The following SLC12A9 variants were observed in gnomAD, a reference collection of about 807,000 sequenced individuals.
The protein encoded by SLC12A9 is CCC-interacting protein 1.
In SLC12A9, 55 loss-of-function variants were observed where a neutral mutation model predicts 66.0. The observed-to-expected ratio is 0.83, with a 90% CI of 0.67 to 1.04. The LOEUF is 1.04. Ranked by LOEUF, SLC12A9 falls within the 50% of genes least tolerant of loss-of-function variation. The pLI is 0.00. For synonymous variants in SLC12A9, 577 were observed against 569.0 expected (o/e 1.01, Z -0.20); for missense variants, 1,061 against 1,241.9 (o/e 0.85, Z 2.19).
Position 100,866,477 on chromosome 7 carries a change from T to C in SLC12A9, c.2617T>C (p.Leu873=), listed in dbSNP as rs765148618. 2 of 1,552,054 alleles carry C rather than the reference T, an allele frequency of 1.3e-6. No homozygotes were observed. The highest frequency in any genetic ancestry group is 4.9e-5 in the East Asian group (2 of 41,204). The change falls in exon 14 of 14, where the codon TTG becomes CTG. Residue 873 remains leucine (L), a synonymous_variant. Transcript: ENST00000354161. The surrounding 1 kb of genome is among the most constrained non-coding windows in gnomAD (Gnocchi z 7.3). ...GPITALTFLY[L]PRPPADPARY... is the part of the protein sequence containing the mutation. ...CATCACAGCCCTCACCTTCCTGTAC[T>C]TGCCTCGGCCGCCAGCCGATCCCGC...
In SLC12A9 at chr7:100,854,375, A is replaced by G. The variant is rs1814255647; in HGVS notation, c.178A>G (p.Ile60Val). Residue 60 changes from isoleucine to valine, a missense_variant, in exon 2 of 14, where the codon ATT becomes GTT. Ile to Val is a conservative substitution (Grantham distance 29). Coordinates refer to ENST00000354161, the MANE Select transcript of SLC12A9 (RefSeq NM_020246.4). ...GTTCAGCATAGTTGTTTTTCTGAGGATTGGTGAGTGGGTCCTGGGGCGGGT... is the reference window on the plus strand; with the variant it reads ...GTTCAGCATAGTTGTTTTTCTGAGGGTTGGTGAGTGGGTCCTGGGGCGGGT... ...SMFSIVVFLR[I>V]GFVVGHAGLL... The G allele has an allele frequency of 1.2e-6, 2 of 1,612,592 alleles. No homozygotes were observed. The highest frequency in any genetic ancestry group is 2.7e-5 in the African/African-American group (2 of 74,744).
intron 1 of SLC12A9, among the ~76,000 whole-genome samples, chr7:100,837,855 T>TC (rs202045615): frequency 1.1e-5 from 1 of 87,186 alleles, no homozygotes; most frequent in Non-Finnish European, 2.6e-5. Flanking sequence ...ATTTCAATTT[T>TC]TTTTTTTTTT....
chr7:100,850,286 G>C (rs1300609177), upstream of SLC12A9, among the ~76,000 whole-genome samples: 1 of 133,450 alleles, frequency 7.5e-6, no homozygotes, highest in Non-Finnish European at 1.5e-5. Flanking sequence ...TTGAGATAAG[G>C]TCTTGCTCTA....
At chr7:100,852,200 G>A (rs533246924), upstream of SLC12A9, among the ~76,000 whole-genome samples, 1 of 152,356 alleles carries the variant, frequency 6.6e-6, no homozygotes, top group Non-Finnish European at 1.5e-5. Flanking sequence ...GGCGGCCAAT[G>A]GCTCCCTCCG....
chr7:100,852,484 T>C (rs1319873078), upstream of SLC12A9: 2 of 151,980 alleles, frequency 1.3e-5, no homozygotes, highest in Non-Finnish European at 2.9e-5. Flanking sequence ...CGGACTGGGG[T>C]CCGGCCCCTG....
At chr7:100,834,578 C>G (rs1238681388) in intron 1 of SLC12A9, among the ~76,000 whole-genome samples, 3 of 151,854 alleles carry the variant, frequency 2.0e-5, no homozygotes, top group African/African-American at 7.3e-5. Flanking sequence ...ATGTATGGAG[C>G]CGGGGAGGAT....
chr7:100,864,634 G>T (rs1208324400), intron 13 of SLC12A9, among the ~76,000 whole-genome samples: 1 of 152,166 alleles, frequency 6.6e-6, no homozygotes, highest in Non-Finnish European at 1.5e-5. Context: ...TGCCCAGCTC[G>T]GTGGCTCAGA....
chr7:100,836,515 T>A (rs1304266512), intron 1 of SLC12A9, among the ~76,000 whole-genome samples: 1 of 152,116 alleles, frequency 6.6e-6, no homozygotes, highest in Non-Finnish European at 1.5e-5. Context: ...CATCACCCCA[T>A]GCGCCACAGC....
At chr7:100,847,647 A>G (rs1240500274) in intron 1 of SLC12A9, among the ~76,000 whole-genome samples, 1 of 152,076 alleles carries the variant, frequency 6.6e-6, no homozygotes, top group Non-Finnish European at 1.5e-5. Flanking sequence ...GGAATTGTCT[A>G]TGGTGTGGAT....
intron 5 of SLC12A9, chr7:100,858,286 C>T (rs1374579995): frequency 6.6e-6 from 1 of 152,442 alleles, no homozygotes; most frequent in Non-Finnish European, 1.5e-5. Context: ...GTGGCGGGCA[C>T]CTGTAATCCC....
intron 1 of SLC12A9, among the ~76,000 whole-genome samples, chr7:100,836,086 G>C (rs1012693985): frequency 6.6e-6 from 1 of 152,152 alleles, no homozygotes; most frequent in South Asian, 2.1e-4. Flanking sequence ...ATGAGGCCAA[G>C]CCCCCCCATG....
chr7:100,849,157 C>A (rs1814000276), upstream of SLC12A9, among the ~76,000 whole-genome samples: 1 of 151,688 alleles, frequency 6.6e-6, no homozygotes. Context: ...GAACTCCTGA[C>A]CTCAAGTGAT....
chr7:100,848,083 CAA>C (rs36071720), upstream of SLC12A9, among the ~76,000 whole-genome samples: 6 of 43,960 alleles, frequency 1.4e-4, no homozygotes, highest in African/African-American at 1.1e-4. Context: ...GACTCCATCT[CAA>C]AAAAAAAAAA....
intron 1 of SLC12A9, among the ~76,000 whole-genome samples, chr7:100,829,477 C>T (rs1419848708): frequency 6.6e-6 from 1 of 152,086 alleles, no homozygotes; most frequent in Non-Finnish European, 1.5e-5. Context: ...CACCCCTGCC[C>T]TTCCTTGCTG....
intron 1 of SLC12A9, among the ~76,000 whole-genome samples, chr7:100,835,605 G>A (rs1813638755): frequency 2.0e-5 from 3 of 151,626 alleles, no homozygotes; most frequent in Admixed American, 1.3e-4. Flanking sequence ...AGCTGAGATT[G>A]CACCACTGCA....
chr7:100,848,098 A>AAT (rs1182339192), upstream of SLC12A9, among the ~76,000 whole-genome samples: 1 of 151,256 alleles, frequency 6.6e-6, no homozygotes, highest in Admixed American at 6.6e-5. Context: ...AAAAAAAAAA[A>AAT]AAAAAAAAAA....
At position 100,833,197 on chromosome 7, in the gene SLC12A9, A is replaced by G. The variant is rs185371261; in HGVS notation, n.228+6150A>G. Among the ~76,000 whole-genome samples the G allele has an allele frequency of 1.6e-4, 24 of 152,202 alleles. No homozygotes were observed. The East Asian group carries it at 4.6e-3, about 29-fold the overall frequency. On this transcript the variant is annotated intron_variant and non_coding_transcript_variant, in intron 1 of 1. Transcript: ENST00000461016. ...GTGTGAGGCCAAAAAAAAAGTTGAA[A>G]AAAAGGCTGGGCGCAGTGGCTCACA...
intron 1 of SLC12A9, among the ~76,000 whole-genome samples, chr7:100,834,967 G>T (rs1813619554): frequency 6.6e-6 from 1 of 151,970 alleles, no homozygotes; most frequent in Non-Finnish European, 1.5e-5. Context: ...GGAGGTGGAG[G>T]CTGCAGTGAG....
At chr7:100,864,445 C>G (rs1340927529) in intron 13 of SLC12A9, among the ~76,000 whole-genome samples, 1 of 152,180 alleles carries the variant, frequency 6.6e-6, no homozygotes, top group Non-Finnish European at 1.5e-5. Flanking sequence ...ATGGTGGATT[C>G]TCCTGTCATA....
Sources: gnomAD v4.1 joint callset for allele counts (sites outside exome capture counted in the v4.1 genomes callset) on GRCh38, gnomAD v4.1.1 for gene constraint, Gnocchi (gnomAD v3.1) non-coding constraint, MANE v1.5 for transcripts, NCBI Gene and HGNC (gene_info 2026-07-23, HGNC 2026-07-21) for gene names.